The following SSPN variants were observed in gnomAD, a reference collection of about 807,000 sequenced individuals.
The protein encoded by SSPN is K-ras oncogene-associated protein.
In SSPN, 15 loss-of-function variants were observed where a neutral mutation model predicts 19.1. That is an observed-to-expected ratio of 0.78 (90% confidence interval 0.52 to 1.21). The LOEUF (loss-of-function observed/expected upper bound fraction) is 1.21. Among genes scored for constraint, SSPN ranks in the 50% most tolerant of loss-of-function variants. The probability of loss-of-function intolerance (pLI) is 0.00; values close to 1 mark genes in which losing one functional copy is unlikely to be tolerated. For missense variants in SSPN, 291 were observed against 314.0 expected (o/e 0.93, Z 0.55); for synonymous variants, 147 against 140.3 (o/e 1.05, Z -0.34).
chr12:26,164,827 A>G (rs1326344489), intron 1 of SSPN, among the ~76,000 whole-genome samples: 3 of 152,156 alleles, frequency 2.0e-5, no homozygotes, highest in Admixed American at 6.5e-5. Context: ...TAACAGCCCC[A>G]TGTAATTAGA....
intron 1 of SSPN, among the ~76,000 whole-genome samples, chr12:26,166,284 A>C (rs1243401245): frequency 6.6e-6 from 1 of 152,262 alleles, no homozygotes; most frequent in Non-Finnish European, 1.5e-5. Context: ...AATAAAAAAA[A>C]GTATATGGTT....
At position 26,231,126 on chromosome 12, in the gene SSPN, T is replaced by C. The variant is rs113089509; in HGVS notation, c.*50T>C. 6 of 1,497,400 alleles carry C rather than the reference T, an allele frequency of 4.0e-6. No homozygotes were observed. The African/African-American group carries it at 5.6e-5, about 14-fold the overall frequency. 92.8% of individuals were successfully genotyped at this position (1,497,400 alleles called of 1,614,324 possible). On this transcript the variant is annotated 3_prime_UTR_variant, in exon 3 of 3. Coordinates refer to ENST00000242729, the MANE Select transcript of SSPN (RefSeq NM_005086.5). ...AAAGTAGCACATGGAGTAGCTGAGG[T>C]TAAACAAACAAAAAAAAATTTTAAA...
intron 1 of SSPN, among the ~76,000 whole-genome samples, chr12:26,183,646 A>G (rs759774021): frequency 2.0e-5 from 3 of 152,248 alleles, no homozygotes; most frequent in Admixed American, 6.5e-5. Context: ...ATTAGGGAAG[A>G]TGTTGATAGT....
intron 1 of SSPN, among the ~76,000 whole-genome samples, chr12:26,219,603 A>G (rs1165237517): frequency 6.6e-6 from 1 of 152,278 alleles, no homozygotes; most frequent in Non-Finnish European, 1.5e-5. Context: ...TGTGGAATTT[A>G]GGACTTCAGT....
At chr12:26,198,505 C>T (rs1944850465) in intron 1 of SSPN, among the ~76,000 whole-genome samples, 1 of 152,100 alleles carries the variant, frequency 6.6e-6, no homozygotes, top group Non-Finnish European at 1.5e-5. Context: ...AAAATAGTGC[C>T]AACGAATGGC....
chr12:26,161,600 C>A (rs957823024), intron 1 of SSPN, among the ~76,000 whole-genome samples: 1 of 152,124 alleles, frequency 6.6e-6, no homozygotes, highest in African/African-American at 2.4e-5. Context: ...TTATTGTTAG[C>A]ATCCCCAAAT....
At chr12:26,224,151 A>C (rs1945152242) in intron 1 of SSPN, 142 bp from the exon 2 acceptor site, 2 of 622,412 alleles carry the variant, frequency 3.2e-6, no homozygotes, top group Non-Finnish European at 5.7e-6. Context: ...CAGTTGAAAG[A>C]AAAACACAGT....
At chr12:26,226,541 CG>C (rs1945178310) in intron 2 of SSPN, among the ~76,000 whole-genome samples, 1 of 151,686 alleles carries the variant, frequency 6.6e-6, no homozygotes, top group African/African-American at 2.4e-5. Context: ...TCTGGGGGTT[CG>C]GGGATTGGGG....
intron 1 of SSPN, chr12:26,125,740 G>A (rs1230753130): frequency 2.0e-5 from 3 of 152,054 alleles, no homozygotes; most frequent in South Asian, 4.2e-4. Flanking sequence ...GACGTTTGGG[G>A]CCGCGTGTGC....
chr12:26,156,940 A>C (rs1944559313), intron 1 of SSPN, among the ~76,000 whole-genome samples: 1 of 152,234 alleles, frequency 6.6e-6, no homozygotes, highest in African/African-American at 2.4e-5. Flanking sequence ...TCTGACTCCA[A>C]ATCTAGTGTG....
chr12:26,156,682 G>A (rs1304581915), intron 1 of SSPN, among the ~76,000 whole-genome samples: 9 of 152,160 alleles, frequency 5.9e-5, no homozygotes. Flanking sequence ...TGACTGCGAC[G>A]GAAGTTTCAT....
intron 1 of SSPN, among the ~76,000 whole-genome samples, chr12:26,159,775 A>T (rs1345674518): frequency 6.6e-6 from 1 of 152,230 alleles, no homozygotes; most frequent in Non-Finnish European, 1.5e-5. Flanking sequence ...GAAAAAAAAT[A>T]AAAATAAAAA....
intron 1 of SSPN, among the ~76,000 whole-genome samples, chr12:26,130,419 C>T (rs540068516): frequency 6.6e-6 from 1 of 152,276 alleles, no homozygotes; most frequent in Admixed American, 6.5e-5. Flanking sequence ...TTTCTTCTGA[C>T]TTCAAAGGTA....
chr12:26,130,434 T>C (rs1944391128), intron 1 of SSPN, among the ~76,000 whole-genome samples: 1 of 152,182 alleles, frequency 6.6e-6, no homozygotes, highest in Non-Finnish European at 1.5e-5. Flanking sequence ...AAGGTACTCC[T>C]ACTTTAAAAA....
intron 1 of SSPN, among the ~76,000 whole-genome samples, chr12:26,176,028 G>A (rs1377752678): frequency 6.6e-6 from 1 of 151,996 alleles, no homozygotes; most frequent in East Asian, 1.9e-4. Flanking sequence ...GTAGAGACGG[G>A]GTTTCACCAT....
chr12:26,122,908 AG>A, intron 1 of SSPN: 1 of 1,549,732 alleles, frequency 6.5e-7, no homozygotes, highest in Non-Finnish European at 8.7e-7. Context: ...CGCTCCAGGC[AG>A]GGGGCGGCCG....
chr12:26,231,663 G>C lies in SSPN; in HGVS notation c.*587G>C, dbSNP rs1382544019. 1 of 153,736 alleles carries C rather than the reference G, an allele frequency of 6.5e-6. No individual in the cohort carries two copies. The highest frequency in any genetic ancestry group is 1.4e-5 in the Non-Finnish European group (1 of 69,434). The allele number at this position is 153,736 out of a possible 1,614,324, so 9.5% of individuals were successfully genotyped here. A position where few individuals can be genotyped will look rare whatever the true frequency, so the allele number is the denominator to read the frequency against. ...AAAGGCTAGATAACTAACAACACCT[G>C]GGTTGGGGCGGCGGCCTCTTCTCTT... On this transcript the variant is annotated 3_prime_UTR_variant, in exon 3 of 3. Coordinates refer to ENST00000242729, the MANE Select transcript of SSPN (RefSeq NM_005086.5).
At chr12:26,129,545 A>G (rs1165128215) in intron 1 of SSPN, among the ~76,000 whole-genome samples, 2 of 152,190 alleles carry the variant, frequency 1.3e-5, no homozygotes, top group Non-Finnish European at 2.9e-5. Flanking sequence ...TAAAATATTG[A>G]TGATGTTATT....
intron 1 of SSPN, among the ~76,000 whole-genome samples, chr12:26,210,941 T>C (rs2137479293): frequency 6.6e-6 from 1 of 152,232 alleles, no homozygotes; most frequent in East Asian, 1.9e-4. Context: ...CTTTATTGCA[T>C]TGTTTGGGGG....
Sources: allele counts gnomAD v4.1 joint callset (sites outside exome capture counted in the v4.1 genomes callset), GRCh38; gene constraint gnomAD v4.1.1; transcripts MANE v1.5; gene names NCBI Gene and HGNC (gene_info 2026-07-23, HGNC 2026-07-21).